The following PPAT variants were observed in gnomAD, a reference collection of about 807,000 sequenced individuals.
PPAT encodes the protein phosphoribosyl pyrophosphate amidotransferase.
In PPAT, 20 loss-of-function variants were observed where a neutral mutation model predicts 60.2. The ratio of observed to expected loss-of-function variants is 0.33; its 90% CI spans 0.23 to 0.48. The LOEUF is 0.48. Among genes scored for constraint, PPAT ranks in the 20% least tolerant of loss-of-function variants. The probability of loss-of-function intolerance (pLI) is 0.99; values close to 1 mark genes in which losing one functional copy is unlikely to be tolerated. For synonymous variants in PPAT, 194 were observed against 215.1 expected, an observed-to-expected ratio of 0.90 and a Z score of 0.86; for missense variants, 349 against 629.6, an observed-to-expected ratio of 0.55 and a Z score of 4.77.
chr4:56,402,098 G>A lies in PPAT; in HGVS notation c.734+11C>T. 6.5e-7 allele frequency: 1 copy of A among 1,548,388 alleles called. No homozygotes were observed. Among genetic ancestry groups the A allele is most frequent in the Non-Finnish European group, 8.8e-7 (1 of 1,136,104 alleles). On this transcript the variant is annotated intron_variant, in intron 6 of 10. Coordinates refer to ENST00000264220, the MANE Select transcript of PPAT (RefSeq NM_002703.5). ...GGGAAAATAAAATATGTCAAACAAG[G>A]TAAAACTTACCTTGCACCAATAGAT...
Position 56,393,639 on chromosome 4 carries a change from G to GT in PPAT, c.*1712dup, listed in dbSNP as rs1443677362. The GT allele has an allele frequency of 6.6e-6, 1 of 152,604 alleles. No homozygotes were observed. The highest frequency in any genetic ancestry group is 2.4e-5 in the African/African-American group (1 of 41,450). The allele number at this position is 152,604 out of a possible 1,614,324, so 9.5% of individuals were successfully genotyped here. A position where few individuals can be genotyped will look rare whatever the true frequency, so the allele number is the denominator to read the frequency against. ...TCTGTAGAATTACTAAACTGTCACA[G>GT]TATTATTTTCCTTTACAAAAGCATC... On this transcript the variant is annotated 3_prime_UTR_variant, in exon 11 of 11. Coordinates refer to ENST00000264220, the MANE Select transcript of PPAT (RefSeq NM_002703.5).
At chr4:56,402,014 G>C (rs1716124272) in intron 6 of PPAT, 95 bp downstream of exon 6, 1 of 982,506 alleles carries the variant, frequency 1.0e-6, no homozygotes, top group African/African-American at 1.7e-5. Context: ...ACATCAAAAA[G>C]AAAACTTTCA....
chr4:56,416,514 T>C (rs144270901), intron 1 of PPAT: 41 of 176,880 alleles, frequency 2.3e-4, no homozygotes, highest in Admixed American at 9.8e-4. Context: ...TCTGAGAAAA[T>C]TGACAATTTT....
intron 1 of PPAT, among the ~76,000 whole-genome samples, chr4:56,413,202 C>G (rs1165236468): frequency 6.6e-6 from 1 of 152,178 alleles, no homozygotes; most frequent in Non-Finnish European, 1.5e-5. Context: ...CTCTGTCACC[C>G]AGGCTGGAGT....
chr4:56,404,922 T>G (rs1169501240), intron 3 of PPAT, among the ~76,000 whole-genome samples: 1 of 152,140 alleles, frequency 6.6e-6, no homozygotes, highest in Non-Finnish European at 1.5e-5. Flanking sequence ...AGCTCTAGAA[T>G]GCTTATAGGA....
chr4:56,396,578 C>G lies in PPAT; in HGVS notation c.1357+41G>C. The G allele has an allele frequency of 6.5e-7, 1 of 1,549,886 alleles. No individual in the cohort carries two copies. Among genetic ancestry groups the G allele is most frequent in the East Asian group, 2.3e-5 (1 of 44,414 alleles). On this transcript the variant is annotated intron_variant, in intron 10 of 10. Transcript: ENST00000264220. The surrounding 1 kb of genome is among the most constrained non-coding windows in gnomAD (Gnocchi z 4.6). ...TAAAGACTGTCAAGCTTTGGATTTT[C>G]TCTGTTAATAATCAAAGTTTATAGA... is the stretch of plus-strand genomic sequence containing the variant.
chr4:56,406,122 G>A (rs1486246100), intron 3 of PPAT, among the ~76,000 whole-genome samples: 2 of 152,254 alleles, frequency 1.3e-5, no homozygotes, highest in East Asian at 3.9e-4. Context: ...TCTGAGAATA[G>A]GAAAAATGGC....
chr4:56,404,576 T>C (rs1472500046), intron 3 of PPAT, among the ~76,000 whole-genome samples: 1 of 144,214 alleles, frequency 6.9e-6, no homozygotes, highest in Non-Finnish European at 1.5e-5. Context: ...AAGATAAAGT[T>C]TAGCATCTAG....
intron 3 of PPAT, among the ~76,000 whole-genome samples, chr4:56,404,706 A>AT (rs1183382698): frequency 6.6e-6 from 1 of 152,116 alleles, no homozygotes; most frequent in Non-Finnish European, 1.5e-5. Context: ...TGAACTATGT[A>AT]TTTTTTCATT....
chr4:56,410,575 C>T, intron 1 of PPAT: 1 of 985,776 alleles, frequency 1.0e-6, no homozygotes, highest in African/African-American at 1.7e-5. Context: ...TGCTAAGTGT[C>T]TGGGCAGAAA....
chr4:56,407,225 A>G (rs1402875699), intron 2 of PPAT, among the ~76,000 whole-genome samples: 1 of 152,176 alleles, frequency 6.6e-6, no homozygotes, highest in Non-Finnish European at 1.5e-5. Context: ...GATCCAAAGA[A>G]TATTACTTTT....
At chr4:56,421,634 G>A (rs1164265889) in intron 1 of PPAT, 5 of 152,242 alleles carry the variant, frequency 3.3e-5, no homozygotes, top group Non-Finnish European at 7.3e-5. Flanking sequence ...AGGGAAGAGA[G>A]GGGAACCACA....
At chr4:56,430,445 C>T (rs1249731783) in intron 1 of PPAT, among the ~76,000 whole-genome samples, 1 of 152,048 alleles carries the variant, frequency 6.6e-6, no homozygotes, top group Non-Finnish European at 1.5e-5. Context: ...GGGCAGGGAC[C>T]ACATCTGCCC....
chr4:56,396,766 G>GTT lies in PPAT; in HGVS notation c.1237-29_1237-28dup. 6.3e-7 allele frequency: 1 copy of GTT among 1,596,658 alleles called. No homozygotes were observed. On this transcript the variant is annotated intron_variant, in intron 9 of 10. Transcript: ENST00000264220. This position sits in a 1 kb window ranked among gnomAD's most constrained non-coding sequence, Gnocchi z 4.6. Reference sequence around the variant, plus strand: ...TTGGAAAGAAATCATTGCACACAAGGTTTTTAAGACTATGCAAAATTCTTT... The same window carrying GTT: ...TTGGAAAGAAATCATTGCACACAAGGTTTTTTTAAGACTATGCAAAATTCTTT...
intron 5 of PPAT, among the ~76,000 whole-genome samples, chr4:56,402,820 C>CAAAAA (rs556899549): frequency 2.1e-3 from 94 of 43,990 alleles, no homozygotes; most frequent in Middle Eastern, 0.021. Flanking sequence ...ACTCGGTCTC[C>CAAAAA]AAAAAAAAAA....
intron 5 of PPAT, among the ~76,000 whole-genome samples, chr4:56,402,732 C>A (rs1207249899): frequency 6.9e-6 from 1 of 145,930 alleles, no homozygotes. Context: ...AGGAGAATCA[C>A]TTGAACCTGG....
chr4:56,424,397 C>T (rs1352706997), intron 1 of PPAT, among the ~76,000 whole-genome samples: 1 of 152,154 alleles, frequency 6.6e-6, no homozygotes, highest in Non-Finnish European at 1.5e-5. Flanking sequence ...GCTAGGTTAT[C>T]ATGCTCAGAC....
rs1036360927 is a variant in PPAT at position 56,435,577 on chromosome 4, G to C, written c.-100C>G. On this transcript the variant is annotated 5_prime_UTR_variant, in exon 1 of 11. Transcript: ENST00000264220. ...CCGTCGAGCTCAGAAGCTCGCGCTC[G>C]CGACAGGCTCTTCCTTCCCGAGGGT... is the stretch of plus-strand genomic sequence containing the variant. 2.5e-6 allele frequency: 4 copies of C among 1,583,940 alleles called. No homozygotes were observed. Among genetic ancestry groups the C allele is most frequent in the African/African-American group, 1.3e-5 (1 of 74,344 alleles).
rs1715946861 is a variant in PPAT, at chr4:56,395,468, C to T, written c.1438G>A (p.Glu480Lys). ...QEGIKFKKQK[E>K]KKHDIMIQEN... ...TGGATCATAATATCGTGCTTTTTCT[C>T]TTTCTGTTTTTTAAACTTTATCCCT... Residue 480 changes from glutamate (E) to lysine (K), a missense_variant, in exon 11 of 11, where the codon GAG (glutamate) becomes AAG (lysine). This residue lies in a region of PPAT where 167 missense variants were observed against 328.6 expected (regional missense o/e 0.51). Transcript: ENST00000264220. 6 of 1,612,472 alleles carry T rather than the reference C, an allele frequency of 3.7e-6. No homozygotes were observed. The highest frequency in any genetic ancestry group is 5.1e-6 in the Non-Finnish European group (6 of 1,179,196).
Sources: gnomAD v4.1 joint callset for allele counts (sites outside exome capture counted in the v4.1 genomes callset) on GRCh38, gnomAD v4.1.1 for gene constraint, gnomAD v4.1.1 regional missense constraint, Gnocchi (gnomAD v3.1) non-coding constraint, MANE v1.5 for transcripts, NCBI Gene and HGNC (gene_info 2026-07-23, HGNC 2026-07-21) for gene names.